Variants in GMDS observed in about 807,000 individuals in gnomAD.
The protein encoded by GMDS is GDP-mannose 4,6 dehydratase.
A neutral mutation model predicts 49.9 loss-of-function variants in GMDS; 20 were observed. The observed-to-expected ratio is 0.40, with a 90% CI of 0.28 to 0.58. The LOEUF (loss-of-function observed/expected upper bound fraction) is 0.58, where lower values mean the gene tolerates loss of function less well. Among genes scored for constraint, GMDS ranks in the 20% least tolerant of loss-of-function variants. The probability of loss-of-function intolerance (pLI) is 0.42; values close to 1 mark genes in which losing one functional copy is unlikely to be tolerated. For synonymous variants in GMDS, 177 were observed against 178.6 expected, an observed-to-expected ratio of 0.99 and a Z score of 0.07; for missense variants, 362 against 481.4, an observed-to-expected ratio of 0.75 and a Z score of 2.32.
At chr6:1,996,138 TCTTCCTCCTTCCTCTTC>T (rs1255971943) in intron 4 of GMDS, among the ~76,000 whole-genome samples, 2 of 151,708 alleles carry the variant, frequency 1.3e-5, no homozygotes, top group Non-Finnish European at 2.9e-5. Context: ...TCCTTCCTCT[TCTTCCTCCTTCCTCTTC>T]CTTCCTCCTT....
At chr6:1,908,194 G>A (rs531182122) in intron 7 of GMDS, among the ~76,000 whole-genome samples, 5 of 152,262 alleles carry the variant, frequency 3.3e-5, no homozygotes, top group Non-Finnish European at 7.4e-5. Context: ...GTTCACGTCC[G>A]GGCAGAACGA....
chr6:1,744,553 A>T (rs1042838142), intron 7 of GMDS, among the ~76,000 whole-genome samples: 10 of 144,296 alleles, frequency 6.9e-5, no homozygotes, highest in Non-Finnish European at 1.5e-5. Flanking sequence ...GATGGAGTCT[A>T]CAATGGCTTG....
At chr6:1,647,569 C>A (rs759358974) in intron 9 of GMDS, among the ~76,000 whole-genome samples, 1 of 152,180 alleles carries the variant, frequency 6.6e-6, no homozygotes, top group Non-Finnish European at 1.5e-5. Flanking sequence ...AGACTCTGAA[C>A]AGGGTGGCTA....
At chr6:1,628,185 C>T (rs958035534) in intron 9 of GMDS, among the ~76,000 whole-genome samples, 17 of 152,178 alleles carry the variant, frequency 1.1e-4, no homozygotes, top group East Asian at 1.9e-4. Context: ...ACTGATAAAG[C>T]GCCAGACCAA....
At chr6:1,754,446 AG>A in intron 7 of GMDS, among the ~76,000 whole-genome samples, 1 of 152,354 alleles carries the variant, frequency 6.6e-6, no homozygotes, top group Admixed American at 6.5e-5. Flanking sequence ...ATTCTACCAG[AG>A]GTACAAAGAG....
chr6:2,118,993 T>C (rs1774996736), intron 2 of GMDS, among the ~76,000 whole-genome samples: 1 of 152,192 alleles, frequency 6.6e-6, no homozygotes, highest in South Asian at 2.1e-4. Context: ...TTCACATATA[T>C]ACTTATACAT....
chr6:1,639,317 C>A (rs1289233291), intron 9 of GMDS, among the ~76,000 whole-genome samples: 1 of 152,228 alleles, frequency 6.6e-6, no homozygotes, highest in East Asian at 1.9e-4. Flanking sequence ...GCAGGAGGCG[C>A]TCACAGGCCA....
At position 2,245,597 on chromosome 6, in the gene GMDS, T is replaced by C. The variant is rs2127606170; in HGVS notation, c.-175A>G. ...TCTGACAGGGGCGCACGGGAGGCCG[T>C]GCAGGGAGGGCCGGGGGCGGGCCGA... On this transcript the variant is annotated 5_prime_UTR_variant, in exon 1 of 11. Coordinates refer to ENST00000380815, the MANE Select transcript of GMDS (RefSeq NM_001500.4). The C allele has an allele frequency of 2.7e-6, 1 of 376,120 alleles. No individual in the cohort carries two copies. Among genetic ancestry groups the C allele is most frequent in the Non-Finnish European group, 4.7e-6 (1 of 214,290 alleles). The allele number at this position is 376,120 out of a possible 1,614,324, so 23.3% of individuals were successfully genotyped here.
chr6:1,625,129 C>T (rs924640414), intron 9 of GMDS: 1 of 152,160 alleles, frequency 6.6e-6, no homozygotes, highest in Non-Finnish European at 1.5e-5. Flanking sequence ...CTTTCTAACG[C>T]GGCCGTGGAT....
chr6:1,952,417 G>T lies in GMDS; in HGVS notation c.643+7450C>A, dbSNP rs114924378. Among the ~76,000 whole-genome samples, 377 of 152,160 alleles carry T rather than the reference G, an allele frequency of 2.5e-3. 3 individuals are homozygous for T. Among genetic ancestry groups the T allele is most frequent in the Non-Finnish European group, 3.7e-3 (253 of 68,002 alleles). ...GGAGTATTAAATCACTATGTCAAAC[G>T]CAACACGAAGAGCTAATGAGCGTGC... On this transcript the variant is annotated intron_variant, in intron 6 of 10. Coordinates refer to ENST00000380815, the MANE Select transcript of GMDS (RefSeq NM_001500.4).
intron 7 of GMDS, among the ~76,000 whole-genome samples, chr6:1,901,371 T>C (rs889746391): frequency 1.3e-5 from 2 of 152,192 alleles, no homozygotes; most frequent in Admixed American, 1.3e-4. Flanking sequence ...CTTGCTCACA[T>C]TGATCAAAAC....
chr6:1,944,913 C>T (rs899097421), intron 6 of GMDS, among the ~76,000 whole-genome samples: 26 of 152,112 alleles, frequency 1.7e-4, no homozygotes, highest in African/African-American at 6.0e-4. Context: ...TCTTCTGTCA[C>T]AGAAAAGTAA....
At chr6:1,671,653 A>T (rs532303121) in intron 9 of GMDS, among the ~76,000 whole-genome samples, 3 of 147,470 alleles carry the variant, frequency 2.0e-5, no homozygotes, top group Admixed American at 7.0e-5. Context: ...GGTTTTTGCC[A>T]TACTTTTAAT....
intron 1 of GMDS, among the ~76,000 whole-genome samples, chr6:2,196,613 G>A (rs1779285360): frequency 6.6e-6 from 1 of 152,122 alleles, no homozygotes; most frequent in South Asian, 2.1e-4. Flanking sequence ...TTTACCTCTT[G>A]CCTAGTTCTG....
intron 9 of GMDS, among the ~76,000 whole-genome samples, chr6:1,675,126 G>A (rs1581443049): frequency 6.6e-6 from 1 of 151,778 alleles, no homozygotes; most frequent in Non-Finnish European, 1.5e-5. Context: ...TAGTAGAGAC[G>A]GAGTTTCTCC....
intron 7 of GMDS, among the ~76,000 whole-genome samples, chr6:1,848,208 C>T (rs1757501297): frequency 1.3e-5 from 2 of 152,170 alleles, no homozygotes; most frequent in Admixed American, 1.3e-4. Context: ...CAACGTACCG[C>T]CCCATTTCAT....
intron 4 of GMDS, among the ~76,000 whole-genome samples, chr6:2,094,531 T>A (rs941759472): frequency 1.3e-5 from 2 of 152,108 alleles, no homozygotes; most frequent in African/African-American, 4.8e-5. Flanking sequence ...CCGTGTTCAG[T>A]ACCACATTCT....
At chr6:1,818,805 T>G (rs1393227723) in intron 7 of GMDS, among the ~76,000 whole-genome samples, 1 of 152,080 alleles carries the variant, frequency 6.6e-6, no homozygotes, top group East Asian at 1.9e-4. Context: ...TATTTCTGAT[T>G]TAGGTGGGGA....
intron 1 of GMDS, among the ~76,000 whole-genome samples, chr6:2,141,223 T>G (rs1473067201): frequency 2.6e-5 from 4 of 152,144 alleles, no homozygotes; most frequent in Non-Finnish European, 1.5e-5. Flanking sequence ...GCATCTGCAG[T>G]AAGAAGCACC....
Sources: allele counts gnomAD v4.1 joint callset (sites outside exome capture counted in the v4.1 genomes callset), GRCh38; gene constraint gnomAD v4.1.1; transcripts MANE v1.5; gene names NCBI Gene and HGNC (gene_info 2026-07-23, HGNC 2026-07-21).